Variants in UBTD1 observed in about 807,000 individuals in gnomAD.
UBTD1 encodes ubiquitin domain-containing protein 1.
UBTD1 carries 19 observed loss-of-function variants against 21.7 expected under a neutral mutation model. The observed-to-expected ratio is 0.87, with a 90% CI of 0.61 to 1.28. The LOEUF is 1.28. UBTD1 is among the 50% of genes most tolerant of loss of function. The pLI is 0.00. For missense variants in UBTD1, 282 were observed against 315.1 expected, an observed-to-expected ratio of 0.89 and a Z score of 0.80; for synonymous variants, 116 against 135.1, an observed-to-expected ratio of 0.86 and a Z score of 0.98.
intron 1 of UBTD1, among the ~76,000 whole-genome samples, chr10:97,551,100 A>G (rs2135680705): frequency 6.6e-6 from 1 of 152,254 alleles, no homozygotes; most frequent in South Asian, 2.1e-4. Flanking sequence ...AGCCCCTGTA[A>G]CTGGTTCCAT....
In UBTD1 at chr10:97,570,365, A is replaced by G. The variant is rs1371164844; in HGVS notation, c.526A>G (p.Arg176Gly). 6.8e-6 allele frequency: 11 copies of G among 1,613,320 alleles called. No homozygotes were observed. Among genetic ancestry groups the G allele is most frequent in the Admixed American group, 5.0e-5 (3 of 60,026 alleles). ...GCCCGACACAGTGGGGCAGCTCAAG[A>G]GGCAGCTGCACGCCCAGGAGGGCAT... Reference protein sequence around the residue: ...SLPDTVGQLKRQLHAQEGIEP... With the variant: ...SLPDTVGQLKGQLHAQEGIEP... The change falls in exon 3 of 3, where the codon AGG (arginine) becomes GGG (glycine). Residue 176 changes from arginine (R) to glycine (G), a missense_variant. By Grantham distance (125) the Arg-to-Gly change is moderately radical. Coordinates refer to ENST00000370664, the MANE Select transcript of UBTD1 (RefSeq NM_024954.5). This position sits in a 1 kb window ranked among gnomAD's most constrained non-coding sequence, Gnocchi z 6.6.
chr10:97,566,909 T>A (rs1242890374), intron 1 of UBTD1, among the ~76,000 whole-genome samples: 4 of 152,134 alleles, frequency 2.6e-5, no homozygotes, highest in Non-Finnish European at 4.4e-5. Context: ...TGGTTTGGAG[T>A]TGTCTTGGAG....
chr10:97,530,227 G>GA (rs869148622), intron 1 of UBTD1, among the ~76,000 whole-genome samples: 803 of 76,536 alleles, frequency 0.01, 5 homozygotes, highest in Non-Finnish European at 0.019. Flanking sequence ...TGAATGAATG[G>GA]ATGGATGAAT....
intron 1 of UBTD1, among the ~76,000 whole-genome samples, chr10:97,514,577 G>A (rs2040436520): frequency 6.6e-6 from 1 of 152,136 alleles, no homozygotes. Context: ...TCGCCCTTCC[G>A]CTGATGCAGG....
At chr10:97,530,059 T>C (rs2040521203) in intron 1 of UBTD1, among the ~76,000 whole-genome samples, 1 of 152,232 alleles carries the variant, frequency 6.6e-6, no homozygotes, top group South Asian at 2.1e-4. Flanking sequence ...ATCACTCCCC[T>C]TGCATGTGTG....
chr10:97,518,963 G>A (rs1445755556), intron 1 of UBTD1, among the ~76,000 whole-genome samples: 1 of 152,196 alleles, frequency 6.6e-6, no homozygotes, highest in Non-Finnish European at 1.5e-5. Context: ...GGAACACAGA[G>A]GCCCAGAGAG....
In UBTD1 at chr10:97,571,167, A is replaced by T. The variant is rs1034477404; in HGVS notation, c.*644A>T. On this transcript the variant is annotated 3_prime_UTR_variant, in exon 3 of 3. Transcript: ENST00000370664. The stretch of plus-strand genomic sequence containing the variant: ...CCACAGCAGGTCCCTGTGGACAGAC[A>T]TATCTGCATATTTATCAATAAAGCC... The T allele has an allele frequency of 6.5e-6, 1 of 152,830 alleles. No homozygotes were observed. The highest frequency in any genetic ancestry group is 1.5e-5 in the Non-Finnish European group (1 of 68,272). The allele number at this position is 152,830 out of a possible 1,614,324, so 9.5% of individuals were successfully genotyped here. A position where few individuals can be genotyped will look rare whatever the true frequency, so the allele number is the denominator to read the frequency against.
chr10:97,546,589 G>A (rs868603390), intron 1 of UBTD1, among the ~76,000 whole-genome samples: 74 of 118,116 alleles, frequency 6.3e-4, no homozygotes, highest in African/African-American at 6.8e-4. Context: ...CCCTGTCTCA[G>A]AAAAAAAAAA....
intron 1 of UBTD1, among the ~76,000 whole-genome samples, chr10:97,516,107 G>A (rs1049891656): frequency 2.6e-5 from 4 of 152,202 alleles, no homozygotes; most frequent in Non-Finnish European, 5.9e-5. Context: ...AGACCAGCGG[G>A]GGCCAGGGGC....
intron 1 of UBTD1, among the ~76,000 whole-genome samples, chr10:97,523,699 A>T (rs1212170130): frequency 1.3e-5 from 2 of 151,828 alleles, no homozygotes; most frequent in Non-Finnish European, 2.9e-5. Context: ...GGGGCTGGGG[A>T]TGGGGGCGGT....
intron 1 of UBTD1, among the ~76,000 whole-genome samples, chr10:97,520,893 C>A (rs762098660): frequency 2.8e-4 from 42 of 152,302 alleles, no homozygotes; most frequent in Middle Eastern, 3.4e-3. Context: ...CTAAACTGGC[C>A]AGCAAGTGCT....
chr10:97,542,963 T>C (rs1025334401), intron 1 of UBTD1, among the ~76,000 whole-genome samples: 1 of 152,260 alleles, frequency 6.6e-6, no homozygotes, highest in Admixed American at 6.5e-5. Flanking sequence ...TGGAATCACC[T>C]AGAGAGCTTT....
rs370102753 is a variant in UBTD1, at chr10:97,517,363, A to G, written c.70+18090A>G. Among the ~76,000 whole-genome samples, 9 of 152,138 alleles carry G rather than the reference A, an allele frequency of 5.9e-5. No homozygotes were observed. In the East Asian group the frequency reaches 1.2e-3, roughly 20 times the overall value. On this transcript the variant is annotated intron_variant, in intron 1 of 2. Transcript: ENST00000370664. Reference sequence around the variant, plus strand: ...GAGATCTGGGGATGTTTACAGCAGGAAGGGAAGTCCCTGGGTAGAGGAGGA... The same window carrying G: ...GAGATCTGGGGATGTTTACAGCAGGGAGGGAAGTCCCTGGGTAGAGGAGGA...
chr10:97,513,574 A>G (rs1330004113), intron 1 of UBTD1, among the ~76,000 whole-genome samples: 1 of 152,194 alleles, frequency 6.6e-6, no homozygotes, highest in African/African-American at 2.4e-5. Context: ...GTTGGAGAGA[A>G]GCAAGCAGTA....
chr10:97,560,573 G>A (rs1194498848), intron 1 of UBTD1, among the ~76,000 whole-genome samples: 3 of 152,060 alleles, frequency 2.0e-5, no homozygotes, highest in Non-Finnish European at 2.9e-5. Flanking sequence ...TGGGTGCCTT[G>A]GCTTACAGGT....
At chr10:97,533,701 A>G (rs553998280) in intron 1 of UBTD1, among the ~76,000 whole-genome samples, 1 of 152,202 alleles carries the variant, frequency 6.6e-6, no homozygotes, top group East Asian at 1.9e-4. Context: ...AGGCGGGCAG[A>G]TCACTTGAGG....
chr10:97,530,226 G>GAAT lies in UBTD1; in HGVS notation c.70+30953_70+30954insAAT, dbSNP rs57224432. Among the ~76,000 whole-genome samples, 837 of 152,162 alleles carry GAAT rather than the reference G, an allele frequency of 5.5e-3. 5 individuals carry two copies. Among genetic ancestry groups the GAAT allele is most frequent in the Non-Finnish European group, 8.8e-3 (600 of 68,000 alleles). On this transcript the variant is annotated intron_variant, in intron 1 of 2. Transcript: ENST00000370664. ...TGAATGAATGAATGAATGAATGAAT[G>GAAT]GATGGATGAATCGATGAATGAATGA... is the stretch of plus-strand genomic sequence containing the variant.
chr10:97,505,073 C>T (rs1290597128), intron 1 of UBTD1, among the ~76,000 whole-genome samples: 1 of 152,138 alleles, frequency 6.6e-6, no homozygotes, highest in African/African-American at 2.4e-5. Flanking sequence ...TGTTTGTAGT[C>T]CTTAACTCGC....
intron 1 of UBTD1, among the ~76,000 whole-genome samples, chr10:97,554,976 C>T (rs1277070288): frequency 1.3e-5 from 2 of 152,128 alleles, no homozygotes; most frequent in Non-Finnish European, 2.9e-5. Flanking sequence ...TAGGAGTGGT[C>T]CATGAGCTGG....
Sources: gnomAD v4.1 joint callset for allele counts (sites outside exome capture counted in the v4.1 genomes callset) on GRCh38, gnomAD v4.1.1 for gene constraint, Gnocchi (gnomAD v3.1) non-coding constraint, MANE v1.5 for transcripts, NCBI Gene and HGNC (gene_info 2026-07-23, HGNC 2026-07-21) for gene names.